The following ZNF608 variants were observed in gnomAD, a reference collection of about 807,000 sequenced individuals.
ZNF608 encodes renal carcinoma antigen NY-REN-36.
A neutral mutation model predicts 109.0 loss-of-function variants in ZNF608; 12 were observed. That is an observed-to-expected ratio of 0.11 (90% CI 0.07 to 0.18). ZNF608 has a LOEUF of 0.18. ZNF608 is among the 10% of genes least tolerant of loss of function. The pLI, the probability that ZNF608 is intolerant of heterozygous loss-of-function variation, is 1.00. For missense variants in ZNF608, 1,707 were observed against 1,879.3 expected (o/e 0.91, Z 1.70); for synonymous variants, 732 against 717.4 (o/e 1.02, Z -0.33).
intron 3 of ZNF608, among the ~76,000 whole-genome samples, chr5:124,696,008 A>G (rs1752834667): frequency 6.6e-6 from 1 of 151,846 alleles, no homozygotes; most frequent in Admixed American, 6.6e-5. Flanking sequence ...ACATGGAGAA[A>G]CCCCGTCTCT....
rs138841963 is a variant in ZNF608 at position 124,700,631 on chromosome 5, A to C, written c.1162+383T>G. Reference sequence around the variant, plus strand: ...TCAGAAAGTAAATATAAGCCTCTACAACACAAAAACAACCATGTCAAGACA... The same window carrying C: ...TCAGAAAGTAAATATAAGCCTCTACCACACAAAAACAACCATGTCAAGACA... On this transcript the variant is annotated intron_variant, in intron 3 of 9. Transcript: ENST00000513986. Among the ~76,000 whole-genome samples, 580 of 152,362 alleles carry C rather than the reference A, an allele frequency of 3.8e-3. 6 individuals are homozygous for C. The highest frequency in any genetic ancestry group is 0.013 in the African/African-American group (543 of 41,592).
intron 7 of ZNF608, among the ~76,000 whole-genome samples, chr5:124,642,692 C>CTTTTTTTTTT (rs755561532): frequency 1.0e-5 from 1 of 95,292 alleles, no homozygotes; most frequent in African/African-American, 4.6e-5. Flanking sequence ...TTTCTATTGT[C>CTTTTTTTTTT]TTTTTTTTTT....
At position 124,714,992 on chromosome 5, in the gene ZNF608, C is replaced by T. The variant is rs574795138; in HGVS notation, c.907-13723G>A. On this transcript the variant is annotated intron_variant, in intron 2 of 9. Transcript: ENST00000513986. ...GCTGACATCCTAGGAGAAATCCCAG[C>T]CTAAGAATGAGATCAGGATCTTCTG... Among the ~76,000 whole-genome samples the T allele has an allele frequency of 7.9e-5, 12 of 152,256 alleles. No homozygotes were observed. The South Asian group carries it at 2.5e-3, about 32-fold the overall frequency.
intron 3 of ZNF608, among the ~76,000 whole-genome samples, chr5:124,668,151 G>C (rs187573298): frequency 6.7e-6 from 1 of 150,040 alleles, no homozygotes; most frequent in African/African-American, 2.4e-5. Flanking sequence ...TCAGGGGTTT[G>C]AGACCAGCCT....
chr5:124,739,715 G>C (rs527683498), intron 2 of ZNF608, among the ~76,000 whole-genome samples: 1 of 152,182 alleles, frequency 6.6e-6, no homozygotes, highest in Non-Finnish European at 1.5e-5. Context: ...TTTCTATGAA[G>C]TACCAGGTGA....
At position 124,721,942 on chromosome 5, in the gene ZNF608, A is replaced by AG. The variant is rs1753932279; in HGVS notation, c.907-20674_907-20673insC. Among the ~76,000 whole-genome samples, 4 of 55,986 alleles carry AG rather than the reference A, an allele frequency of 7.1e-5. No homozygotes were observed. In the Admixed American group the frequency reaches 1.0e-3, roughly 14 times the overall value. The allele number at this position is 55,986 out of a possible 152,430, so 36.7% of individuals were successfully genotyped here. ...GGGCGACAGAATGAGACTCTGTCTC[A>AG]AAAAAAAAAAAAAAAAAAAAAAAAA... On this transcript the variant is annotated intron_variant, in intron 2 of 9. Transcript: ENST00000513986.
intron 2 of ZNF608, among the ~76,000 whole-genome samples, chr5:124,702,167 A>G (rs1753080171): frequency 6.6e-6 from 1 of 152,230 alleles, no homozygotes; most frequent in African/African-American, 2.4e-5. Context: ...GCCATGTACT[A>G]AACAGTACAT....
chr5:124,726,636 T>C (rs1286490073), intron 2 of ZNF608, among the ~76,000 whole-genome samples: 2 of 142,690 alleles, frequency 1.4e-5, no homozygotes, highest in Non-Finnish European at 3.0e-5. Flanking sequence ...CAATTCTCTA[T>C]ACAACAGTCA....
chr5:124,702,733 A>G (rs13358472), intron 2 of ZNF608, among the ~76,000 whole-genome samples: 2 of 152,184 alleles, frequency 1.3e-5, no homozygotes, highest in African/African-American at 4.8e-5. Context: ...ATGTTAAAAA[A>G]ACTTAATTTC....
At chr5:124,691,467 AACAATTCC>A (rs1413910864) in intron 3 of ZNF608, among the ~76,000 whole-genome samples, 1 of 152,218 alleles carries the variant, frequency 6.6e-6, no homozygotes, top group African/African-American at 2.4e-5. Context: ...ATCAAAAGAT[AACAATTCC>A]ACTTCTGAGT....
At chr5:124,685,212 C>G (rs1006136559) in intron 3 of ZNF608, among the ~76,000 whole-genome samples, 1 of 149,116 alleles carries the variant, frequency 6.7e-6, no homozygotes, top group African/African-American at 2.6e-5. Flanking sequence ...GCTTTGGCTG[C>G]CTTCAAGTGA....
intron 1 of ZNF608, 163 bp from the exon 2 acceptor site, chr5:124,745,335 C>A: frequency 5.0e-6 from 2 of 399,094 alleles, no homozygotes; most frequent in Non-Finnish European, 3.6e-6. Context: ...GGAAAATAAC[C>A]AAACCCGAAA....
At chr5:124,705,538 T>C (rs73298919) in intron 2 of ZNF608, among the ~76,000 whole-genome samples, 10,686 of 152,266 alleles carry the variant, frequency 0.07, 580 homozygotes, top group African/African-American at 0.15. Context: ...TCTGATATTA[T>C]AGTTCCCTAA....
intron 3 of ZNF608, among the ~76,000 whole-genome samples, chr5:124,655,461 T>A (rs1750965757): frequency 6.6e-6 from 1 of 152,216 alleles, no homozygotes; most frequent in Non-Finnish European, 1.5e-5. Context: ...CACATCTGGA[T>A]GCATTTGATG....
intron 2 of ZNF608, among the ~76,000 whole-genome samples, chr5:124,730,670 G>A (rs969927540): frequency 6.6e-6 from 1 of 152,152 alleles, no homozygotes; most frequent in Non-Finnish European, 1.5e-5. Flanking sequence ...AGTGTCTTAG[G>A]TTGGCATTTT....
At chr5:124,660,633 G>T (rs1369679013) in intron 3 of ZNF608, among the ~76,000 whole-genome samples, 2 of 152,186 alleles carry the variant, frequency 1.3e-5, no homozygotes, top group African/African-American at 4.8e-5. Context: ...CAGCTTTGTA[G>T]CCGCTTCATC....
intron 8 of ZNF608, among the ~76,000 whole-genome samples, chr5:124,640,334 A>G (rs1454988926): frequency 6.6e-6 from 1 of 152,220 alleles, no homozygotes. Context: ...AAATCAGGTC[A>G]TATGGGTGGG....
chr5:124,745,246 GAAT>G, intron 1 of ZNF608, 74 bp from the exon 2 acceptor site: 1 of 1,294,794 alleles, frequency 7.7e-7, no homozygotes. Context: ...TAGTATTGGG[GAAT>G]CAGTAAAGGG....
intron 2 of ZNF608, among the ~76,000 whole-genome samples, chr5:124,718,475 A>C (rs1379083372): frequency 6.6e-6 from 1 of 152,228 alleles, no homozygotes; most frequent in Non-Finnish European, 1.5e-5. Context: ...TTTAGCTGGT[A>C]GATAACACTG....
Sources: gnomAD v4.1 joint callset for allele counts (sites outside exome capture counted in the v4.1 genomes callset) on GRCh38, gnomAD v4.1.1 for gene constraint, MANE v1.5 for transcripts, NCBI Gene and HGNC (gene_info 2026-07-23, HGNC 2026-07-21) for gene names.